Variants in P2RY12 observed in about 807,000 individuals in gnomAD.
P2RY12 encodes P2Y purinoceptor 12.
A neutral mutation model predicts 4.5 loss-of-function variants in P2RY12; 3 were observed. The ratio of observed to expected loss-of-function variants is 0.67; its 90% CI spans 0.31 to 1.74. The LOEUF is 1.74. Ranked by LOEUF, P2RY12 falls within the 40% of genes most tolerant of loss-of-function variation. The pLI, the probability that P2RY12 is intolerant of heterozygous loss-of-function variation, is 0.09. For synonymous variants in P2RY12, 148 were observed against 154.1 expected (o/e 0.96, Z 0.29); for missense variants, 356 against 407.8 (o/e 0.87, Z 1.09).
At chr3:151,348,511 T>A (rs1172423515) in intron 1 of P2RY12, among the ~76,000 whole-genome samples, 2 of 151,972 alleles carry the variant, frequency 1.3e-5, no homozygotes, top group African/African-American at 2.4e-5. Flanking sequence ...TTTTGAAAAT[T>A]TGGGAGAGGT....
At chr3:151,354,140 C>CAAAAAAAAAAA (rs63033360) in intron 1 of P2RY12, among the ~76,000 whole-genome samples, 3 of 62,842 alleles carry the variant, frequency 4.8e-5, no homozygotes, top group African/African-American at 1.5e-4. Context: ...GACTCCGTCT[C>CAAAAAAAAAAA]AAAAAAAAAA....
At chr3:151,341,127 C>G (rs1024793495) in intron 1 of P2RY12, among the ~76,000 whole-genome samples, 5 of 152,092 alleles carry the variant, frequency 3.3e-5, no homozygotes, top group African/African-American at 1.2e-4. Flanking sequence ...GTGTACAACA[C>G]TGGGTGATGT....
At chr3:151,360,315 T>C (rs1342282752) in intron 1 of P2RY12, among the ~76,000 whole-genome samples, 1 of 152,202 alleles carries the variant, frequency 6.6e-6, no homozygotes, top group African/African-American at 2.4e-5. Flanking sequence ...ATAGAAAAAT[T>C]ATATTGTACT....
At chr3:151,371,814 G>A (rs557290310) in intron 1 of P2RY12, among the ~76,000 whole-genome samples, 2 of 152,262 alleles carry the variant, frequency 1.3e-5, no homozygotes, top group South Asian at 4.1e-4. Flanking sequence ...AAATATGATA[G>A]TTATTTGTCT....
rs779618968 is a variant in P2RY12, at chr3:151,372,531, C to T, written c.-180+12161G>A. 1.2e-5 allele frequency: 18 copies of T among 1,527,092 alleles called. No homozygotes were observed. In the Admixed American group the frequency reaches 1.3e-4, roughly 11 times the overall value. 94.6% of individuals were successfully genotyped at this position (1,527,092 alleles called of 1,614,324 possible). A position where few individuals can be genotyped will look rare whatever the true frequency, so the allele number is the denominator to read the frequency against. On this transcript the variant is annotated intron_variant, in intron 1 of 2. Coordinates refer to ENST00000302632, the MANE Select transcript of P2RY12 (RefSeq NM_022788.5). ...CTCAATTATTTGGCAATATTTTGAA[C>T]TTCTGTGATTTTGCTTTTGTGATTC...
Position 151,384,013 on chromosome 3 carries a change from T to C in P2RY12, c.-180+679A>G. 9 of 1,531,650 alleles carry C rather than the reference T, an allele frequency of 5.9e-6. No individual in the cohort carries two copies. In the South Asian group the frequency reaches 9.5e-5, roughly 16 times the overall value. 94.9% of individuals were successfully genotyped at this position (1,531,650 alleles called of 1,614,324 possible). A position where few individuals can be genotyped will look rare whatever the true frequency, so the allele number is the denominator to read the frequency against. ...GCTATTAAAAATTCTGTGCCTTGAA[T>C]AAAAATACTCAGTTAAATAAGTGTA... is the stretch of plus-strand genomic sequence containing the variant. On this transcript the variant is annotated intron_variant, in intron 1 of 2. Coordinates refer to ENST00000302632, the MANE Select transcript of P2RY12 (RefSeq NM_022788.5).
At chr3:151,357,412 C>T (rs749597768) in intron 1 of P2RY12, 15 of 1,525,172 alleles carry the variant, frequency 9.8e-6, no homozygotes, top group Non-Finnish European at 1.3e-5. Context: ...TTTTTCCAAT[C>T]TCAGAATGTA....
At chr3:151,344,090 C>T (rs1296931378) in intron 1 of P2RY12, among the ~76,000 whole-genome samples, 1 of 151,990 alleles carries the variant, frequency 6.6e-6, no homozygotes. Context: ...TGAAATATTT[C>T]GCAAAAATGA....
At chr3:151,372,467 C>G (rs779231047) in intron 1 of P2RY12, 509 of 814,276 alleles carry the variant, frequency 6.3e-4, no homozygotes, top group Non-Finnish European at 8.5e-4. Context: ...TAATACTGTT[C>G]ATATATTTTA....
chr3:151,379,150 A>G (rs1392737264), intron 1 of P2RY12, among the ~76,000 whole-genome samples: 1 of 152,224 alleles, frequency 6.6e-6, no homozygotes, highest in African/African-American at 2.4e-5. Context: ...TTGTTTTACC[A>G]TGTTGGCCAG....
chr3:151,368,786 A>G (rs1421381867), intron 1 of P2RY12, among the ~76,000 whole-genome samples: 3 of 143,854 alleles, frequency 2.1e-5, no homozygotes, highest in Admixed American at 7.0e-5. Flanking sequence ...TTCCAAGACA[A>G]AGTCTTACTG....
intron 1 of P2RY12, among the ~76,000 whole-genome samples, chr3:151,344,842 TGTGA>T (rs1315371420): frequency 6.6e-6 from 1 of 152,142 alleles, no homozygotes; most frequent in African/African-American, 2.4e-5. Flanking sequence ...TATCAGAAAA[TGTGA>T]GTAAGGTGAA....
chr3:151,360,338 A>G (rs575365593), intron 1 of P2RY12: 17 of 735,702 alleles, frequency 2.3e-5, no homozygotes, highest in Middle Eastern at 2.6e-4. Context: ...GTTATTTACT[A>G]TTCTATTTAT....
intron 1 of P2RY12, chr3:151,360,374 T>C: frequency 2.7e-6 from 3 of 1,097,184 alleles, no homozygotes; most frequent in Non-Finnish European, 4.0e-6. Context: ...AATATCCTTT[T>C]TCTTACCCAA....
At chr3:151,377,187 G>T (rs1336462722) in intron 1 of P2RY12, 1 of 1,599,788 alleles carries the variant, frequency 6.3e-7, no homozygotes, top group Non-Finnish European at 8.5e-7. Flanking sequence ...AGGTATTTTT[G>T]TCTGTTGTTT....
At chr3:151,378,416 T>G (rs1029076499) in intron 1 of P2RY12, among the ~76,000 whole-genome samples, 1 of 152,198 alleles carries the variant, frequency 6.6e-6, no homozygotes, top group Admixed American at 6.5e-5. Context: ...TTAAAAACAG[T>G]GATTTCCGAG....
At chr3:151,373,970 T>C (rs550998949) in intron 1 of P2RY12, among the ~76,000 whole-genome samples, 7 of 152,204 alleles carry the variant, frequency 4.6e-5, no homozygotes, top group African/African-American at 1.7e-4. Flanking sequence ...AAGAAAAATA[T>C]ATCCATACAC....
intron 1 of P2RY12, chr3:151,357,429 G>C: frequency 6.8e-7 from 1 of 1,467,944 alleles, no homozygotes; most frequent in Non-Finnish European, 9.2e-7. Context: ...TGTATAACTA[G>C]TGATGAAATA....
chr3:151,376,137 A>C (rs1756822842), intron 1 of P2RY12: 1 of 1,611,082 alleles, frequency 6.2e-7, no homozygotes, highest in East Asian at 2.2e-5. Flanking sequence ...ACTGCAGCTT[A>C]TCTGTTATCC....
Sources: allele counts gnomAD v4.1 joint callset (sites outside exome capture counted in the v4.1 genomes callset), GRCh38; gene constraint gnomAD v4.1.1; transcripts MANE v1.5; gene names NCBI Gene and HGNC (gene_info 2026-07-23, HGNC 2026-07-21).